The following LINC00305 variants were observed in gnomAD, a reference collection of about 807,000 sequenced individuals.
LINC00305 encodes the protein long intergenic non-protein coding RNA 305.
At chr18:64,129,756 C>T (rs1265541930) in intron 1 of LINC00305, among the ~76,000 whole-genome samples, 4 of 152,092 alleles carry the variant, frequency 2.6e-5, no homozygotes, top group African/African-American at 9.7e-5. Flanking sequence ...AGTTCATGGA[C>T]AATTGCAATC....
chr18:64,082,618 A>T (rs1054759271), intron 3 of LINC00305, among the ~76,000 whole-genome samples: 37 of 152,150 alleles, frequency 2.4e-4, no homozygotes, highest in Non-Finnish European at 3.7e-4. Context: ...AATTCACATC[A>T]CTGGCTTGCT....
At chr18:64,080,629 AT>A (rs1189053839) in intron 3 of LINC00305, among the ~76,000 whole-genome samples, 2 of 152,188 alleles carry the variant, frequency 1.3e-5, no homozygotes, top group East Asian at 3.8e-4. Context: ...CTAGAAAATA[AT>A]TTTAAGTACA....
intron 1 of LINC00305, among the ~76,000 whole-genome samples, chr18:64,121,775 C>T (rs2051363075): frequency 6.6e-6 from 1 of 152,052 alleles, no homozygotes; most frequent in Non-Finnish European, 1.5e-5. Flanking sequence ...ATGCTGTTTT[C>T]CATAGAGGTT....
In LINC00305 at chr18:64,086,431, C is replaced by A. The variant is rs182280143; in HGVS notation, n.541-6029G>T. Among the ~76,000 whole-genome samples the A allele has an allele frequency of 1.2e-3, 182 of 152,282 alleles. 1 individual carries two copies. Among genetic ancestry groups the A allele is most frequent in the African/African-American group, 4.3e-3 (178 of 41,562 alleles). On this transcript the variant is annotated intron_variant and non_coding_transcript_variant, in intron 3 of 3. Coordinates refer to ENST00000666468, the Ensembl canonical transcript of LINC00305. ...TAATTTGATAATGTGGATAGGAACA[C>A]TGTCATATTTTCCAAAAATTGAAAA...
intron 1 of LINC00305, among the ~76,000 whole-genome samples, chr18:64,135,467 A>G (rs1182122766): frequency 6.6e-6 from 1 of 152,224 alleles, no homozygotes; most frequent in Non-Finnish European, 1.5e-5. Context: ...TGGTTTTGGC[A>G]TAAAGGGAGG....
chr18:64,137,294 T>C (rs1176880042), intron 1 of LINC00305, among the ~76,000 whole-genome samples: 1 of 152,204 alleles, frequency 6.6e-6, no homozygotes, highest in Non-Finnish European at 1.5e-5. Flanking sequence ...AGCATGGCCC[T>C]GCCAGCACCT....
At chr18:64,107,594 G>A (rs750391780) in intron 1 of LINC00305, among the ~76,000 whole-genome samples, 9 of 152,190 alleles carry the variant, frequency 5.9e-5, no homozygotes, top group Non-Finnish European at 1.3e-4. Flanking sequence ...CTGCACATGT[G>A]TTCCAGGAGA....
chr18:64,089,186 T>C (rs1307941843), intron 3 of LINC00305, among the ~76,000 whole-genome samples: 1 of 152,102 alleles, frequency 6.6e-6, no homozygotes, highest in African/African-American at 2.4e-5. Flanking sequence ...GATTGGATCA[T>C]GGGGGCGGTT....
intron 1 of LINC00305, among the ~76,000 whole-genome samples, chr18:64,124,320 C>A (rs1599223237): frequency 6.6e-6 from 1 of 152,170 alleles, no homozygotes. Context: ...ACTGGTTTTC[C>A]TCATGTCCTT....
At chr18:64,085,708 G>T (rs1416814018) in intron 3 of LINC00305, among the ~76,000 whole-genome samples, 1 of 152,140 alleles carries the variant, frequency 6.6e-6, no homozygotes. Context: ...TGATCCACCC[G>T]CCTCTGCCTC....
chr18:64,124,046 A>C (rs191300173), intron 1 of LINC00305, among the ~76,000 whole-genome samples: 2 of 152,218 alleles, frequency 1.3e-5, no homozygotes, highest in Admixed American at 1.3e-4. Context: ...CAGAATCATG[A>C]GTTAAATAAA....
intron 1 of LINC00305, among the ~76,000 whole-genome samples, chr18:64,126,980 G>A (rs753952945): frequency 1.8e-4 from 28 of 151,916 alleles, no homozygotes; most frequent in Admixed American, 1.4e-3. Context: ...TTTTAGATTC[G>A]GAGGTACATG....
At chr18:64,130,275 A>G (rs1289065399) in intron 1 of LINC00305, among the ~76,000 whole-genome samples, 1 of 152,158 alleles carries the variant, frequency 6.6e-6, no homozygotes, top group African/African-American at 2.4e-5. Context: ...AAGGCTTTAT[A>G]CATAATATGT....
intron 3 of LINC00305, among the ~76,000 whole-genome samples, chr18:64,090,017 G>T (rs1003729759): frequency 2.0e-5 from 3 of 152,122 alleles, no homozygotes; most frequent in Non-Finnish European, 4.4e-5. Flanking sequence ...TAGGCAGAGG[G>T]GAAAATACTT....
At chr18:64,089,759 G>A (rs776767261) in intron 3 of LINC00305, among the ~76,000 whole-genome samples, 1 of 152,216 alleles carries the variant, frequency 6.6e-6, no homozygotes, top group Non-Finnish European at 1.5e-5. Context: ...GCAAGGAGGA[G>A]CAAGTCGCGT....
rs554307271 is a variant in LINC00305 at position 64,092,560 on chromosome 18, T to TCAAA, written n.540+5270_540+5273dup. On this transcript the variant is annotated intron_variant and non_coding_transcript_variant, in intron 3 of 3. Coordinates refer to ENST00000666468, the Ensembl canonical transcript of LINC00305. ...CTGAGTGACAGAATGAGACTCTGTCTCAAACAAACAAACAAAAAACATTTG... is the reference window on the plus strand; with the variant it reads ...CTGAGTGACAGAATGAGACTCTGTCTCAAACAAACAAACAAACAAAAAACATTTG... Among the ~76,000 whole-genome samples the TCAAA allele has an allele frequency of 8.0e-3, 1,223 of 152,274 alleles. 16 individuals are homozygous for TCAAA. Among genetic ancestry groups the TCAAA allele is most frequent in the African/African-American group, 0.028 (1,178 of 41,550 alleles).
At chr18:64,099,420 C>A (rs2144238650) in intron 1 of LINC00305, among the ~76,000 whole-genome samples, 3 of 152,252 alleles carry the variant, frequency 2.0e-5, no homozygotes, top group East Asian at 3.9e-4. Context: ...ATGTTTAAAA[C>A]CTGCTGAGAA....
intron 1 of LINC00305, among the ~76,000 whole-genome samples, chr18:64,140,184 C>T (rs145458601): frequency 7.9e-5 from 12 of 152,080 alleles, no homozygotes; most frequent in Non-Finnish European, 1.0e-4. Context: ...CGTTCCTCCT[C>T]CTCTTTACTC....
intron 3 of LINC00305, among the ~76,000 whole-genome samples, chr18:64,096,543 A>G (rs540653330): frequency 9.2e-5 from 14 of 151,882 alleles, no homozygotes; most frequent in Admixed American, 2.0e-4. Flanking sequence ...AAATCCATTG[A>G]ATAAATATGA....
Sources: gnomAD v4.1 joint callset for allele counts (sites outside exome capture counted in the v4.1 genomes callset) on GRCh38, gnomAD v4.1.1 for gene constraint, MANE v1.5 for transcripts, NCBI Gene and HGNC (gene_info 2026-07-23, HGNC 2026-07-21) for gene names.